CSMD2: variants seen among roughly 807,000 people sequenced by gnomAD.
CSMD2 encodes CUB and Sushi multiple domains 2.
Under a neutral mutation model 398.5 loss-of-function variants are expected in CSMD2, and 130 were observed. The observed-to-expected ratio is 0.33, with a 90% CI of 0.28 to 0.38. The LOEUF is 0.38. Among genes scored for constraint, CSMD2 ranks in the 10% least tolerant of loss-of-function variants. The probability of loss-of-function intolerance (pLI) is 1.00; values close to 1 mark genes in which losing one functional copy is unlikely to be tolerated. For synonymous variants in CSMD2, 1,828 were observed against 1,908.5 expected, an observed-to-expected ratio of 0.96 and a Z score of 1.10; for missense variants, 3,829 against 4,764.9, an observed-to-expected ratio of 0.80 and a Z score of 5.78.
At chr1:33,714,810 A>AT in intron 20 of CSMD2, 35 bp from the exon 21 acceptor site, 2 of 1,606,736 alleles carry the variant, frequency 1.2e-6, no homozygotes, top group Admixed American at 1.7e-5. Flanking sequence ...GCTCAGAGAC[A>AT]TTGCGGGGAG....
At position 33,567,132 on chromosome 1, in the gene CSMD2, C is replaced by A. The variant is rs545976092; in HGVS notation, c.8380+461G>T. Among the ~76,000 whole-genome samples, 4 of 151,284 alleles carry A rather than the reference C, an allele frequency of 2.6e-5. No individual in the cohort carries two copies. The South Asian group carries it at 8.5e-4, about 32-fold the overall frequency. On this transcript the variant is annotated intron_variant, in intron 53 of 70. Transcript: ENST00000373381. Reference sequence around the variant, plus strand: ...AAGGGCCTTCCACCTAGAAACAAATCCTTCTATTAAAAATTTTCTATGTAA... The same window carrying A: ...AAGGGCCTTCCACCTAGAAACAAATACTTCTATTAAAAATTTTCTATGTAA...
chr1:33,633,485 C>T lies in CSMD2; in HGVS notation c.5137G>A (p.Glu1713Lys). ...TGCTGGCTGTGGCCGTCGTGAACCT[C>T]CACCACGTCGTTGAGGGCCGTGTGA... is the stretch of plus-strand genomic sequence containing the variant. ...FFHTALNDVV[E>K]VHDGHSQHSR... Residue 1713 changes from glutamate (E) to lysine (K), a missense_variant, in exon 32 of 71, where the codon GAG (glutamate) becomes AAG (lysine). This residue lies in a region of CSMD2 where 2,001 missense variants were observed against 2,567.1 expected (regional missense o/e 0.78). Coordinates refer to ENST00000373381, the MANE Select transcript of CSMD2 (RefSeq NM_001281956.2). This position sits in a 1 kb window ranked among gnomAD's most constrained non-coding sequence, Gnocchi z 5.0. 1 of 1,554,398 alleles carries T rather than the reference C, an allele frequency of 6.4e-7. No homozygotes were observed. Among genetic ancestry groups the T allele is most frequent in the Non-Finnish European group, 8.7e-7 (1 of 1,148,422 alleles).
chr1:33,942,665 G>T (rs962831294), intron 3 of CSMD2, among the ~76,000 whole-genome samples: 1 of 152,218 alleles, frequency 6.6e-6, no homozygotes, highest in African/African-American at 2.4e-5. Flanking sequence ...GAATCATAAC[G>T]TGAGAAACAG....
chr1:33,808,657 A>C (rs1656506284), intron 10 of CSMD2, among the ~76,000 whole-genome samples: 1 of 152,024 alleles, frequency 6.6e-6, no homozygotes, highest in Non-Finnish European at 1.5e-5. Flanking sequence ...ATAATGAACA[A>C]AGCATCAAAA....
intron 2 of CSMD2, among the ~76,000 whole-genome samples, chr1:34,060,568 A>G (rs1654372289): frequency 6.6e-6 from 1 of 151,572 alleles, no homozygotes; most frequent in Non-Finnish European, 1.5e-5. Flanking sequence ...GCATCCTGGA[A>G]TTCCTTCTCA....
chr1:33,563,589 A>G (rs1658777838), intron 53 of CSMD2, among the ~76,000 whole-genome samples: 1 of 152,150 alleles, frequency 6.6e-6, no homozygotes, highest in African/African-American at 2.4e-5. Flanking sequence ...GGTAGGCACC[A>G]CCACTATACC....
intron 3 of CSMD2, among the ~76,000 whole-genome samples, chr1:33,975,769 G>GCT (rs1459097542): frequency 6.6e-6 from 1 of 152,166 alleles, no homozygotes; most frequent in African/African-American, 2.4e-5. Flanking sequence ...CTGTGCGGAT[G>GCT]CTCTCTGTGT....
intron 2 of CSMD2, among the ~76,000 whole-genome samples, chr1:34,034,309 AT>A (rs544669836): frequency 9.0e-4 from 137 of 152,152 alleles, no homozygotes; most frequent in African/African-American, 3.2e-3. Flanking sequence ...ACTAGCCCTC[AT>A]TTTTATGGAC....
chr1:33,711,031 C>G (rs996551502), intron 21 of CSMD2, among the ~76,000 whole-genome samples: 3 of 152,170 alleles, frequency 2.0e-5, no homozygotes, highest in Admixed American at 6.5e-5. Flanking sequence ...TGCAAAACTT[C>G]CAAATATCAT....
chr1:33,804,965 G>C (rs11587828), intron 10 of CSMD2: 1 of 706,258 alleles, frequency 1.4e-6, no homozygotes, highest in Non-Finnish European at 2.6e-6. Flanking sequence ...GCCCACCAAG[G>C]CCCCACAGAG....
chr1:34,104,088 C>T (rs1307227722), intron 1 of CSMD2, among the ~76,000 whole-genome samples: 1 of 152,178 alleles, frequency 6.6e-6, no homozygotes, highest in African/African-American at 2.4e-5. Context: ...ACCACCTAAT[C>T]TTTCAGTAAA....
chr1:33,795,207 T>C (rs767810061), intron 10 of CSMD2, among the ~76,000 whole-genome samples: 4 of 151,998 alleles, frequency 2.6e-5, no homozygotes, highest in Non-Finnish European at 4.4e-5. Context: ...TGAGGCGGGG[T>C]GTGAGCCTGT....
In CSMD2 at chr1:33,624,957, T is replaced by C. The variant is rs1642012155; in HGVS notation, c.5500+94A>G. On this transcript the variant is annotated intron_variant, in intron 34 of 70. Coordinates refer to ENST00000373381, the MANE Select transcript of CSMD2 (RefSeq NM_001281956.2). This position sits in a 1 kb window ranked among gnomAD's most constrained non-coding sequence, Gnocchi z 4.7. ...TGCGGTGGGAAGCGGCTGCTGTGTG[T>C]CGTGGGGCATCACTGGGGCTGACTG... 7.8e-7 allele frequency: 1 copy of C among 1,279,280 alleles called. No homozygotes were observed. The highest frequency in any genetic ancestry group is 1.1e-6 in the Non-Finnish European group (1 of 889,502). The allele number at this position is 1,279,280 out of a possible 1,614,324, so 79.2% of individuals were successfully genotyped here.
intron 26 of CSMD2, among the ~76,000 whole-genome samples, chr1:33,661,212 C>G (rs939378500): frequency 6.6e-6 from 1 of 152,118 alleles, no homozygotes; most frequent in South Asian, 2.1e-4. Flanking sequence ...TCTTTTAAGC[C>G]GCACCCATCA....
rs755881541 is a variant in CSMD2, at chr1:33,614,535, G to A, written c.6102C>T (p.Cys2034=). Residue 2034 remains cysteine (C), a synonymous_variant, in exon 40 of 71, where the codon TGC becomes TGT. Coordinates refer to ENST00000373381, the MANE Select transcript of CSMD2 (RefSeq NM_001281956.2). The part of the protein sequence containing the change: ...FPGNYPSNMD[C]SWKIALPVGF... The stretch of plus-strand genomic sequence containing the variant: ...CCACGGGCAGTGCTATTTTCCAGGA[G>A]CAGTCCATGTTACTGGGGTAGTTGC... 17 of 1,609,770 alleles carry A rather than the reference G, an allele frequency of 1.1e-5. No homozygotes were observed. Among genetic ancestry groups the A allele is most frequent in the Non-Finnish European group, 1.1e-5 (13 of 1,176,568 alleles).
rs1419852551 is a variant in CSMD2, at chr1:33,743,688, T to A, written c.1847-82A>T. 8 of 1,016,566 alleles carry A rather than the reference T, an allele frequency of 7.9e-6. No homozygotes were observed. The Admixed American group carries it at 8.0e-5, about 10-fold the overall frequency. The allele number at this position is 1,016,566 out of a possible 1,614,324, so 63.0% of individuals were successfully genotyped here. On this transcript the variant is annotated intron_variant, in intron 13 of 70. Coordinates refer to ENST00000373381, the MANE Select transcript of CSMD2 (RefSeq NM_001281956.2). ...CTGAGGGCTGGCAGGGGGAACATCTTCTTAGTCTAAAAAGCAACAGAAAGA... is the reference window on the plus strand; with the variant it reads ...CTGAGGGCTGGCAGGGGGAACATCTACTTAGTCTAAAAAGCAACAGAAAGA...
chr1:33,829,026 T>A (rs761637360), intron 6 of CSMD2, among the ~76,000 whole-genome samples: 1 of 152,218 alleles, frequency 6.6e-6, no homozygotes, highest in Non-Finnish European at 1.5e-5. Flanking sequence ...ATTACCGCTT[T>A]GAGCTAGGTC....
chr1:33,961,889 C>T (rs544531606), intron 3 of CSMD2, among the ~76,000 whole-genome samples: 12 of 152,306 alleles, frequency 7.9e-5, no homozygotes, highest in Admixed American at 2.0e-4. Context: ...ATCAAATCAA[C>T]CTCTTTTCCT....
chr1:33,797,166 T>C (rs1655052574), intron 10 of CSMD2, among the ~76,000 whole-genome samples: 1 of 152,192 alleles, frequency 6.6e-6, no homozygotes. Flanking sequence ...TTTTTGCCCT[T>C]TGAAGCATGT....
Sources: allele counts gnomAD v4.1 joint callset (sites outside exome capture counted in the v4.1 genomes callset), GRCh38; gene constraint gnomAD v4.1.1; regional missense constraint gnomAD v4.1.1; non-coding constraint Gnocchi (gnomAD v3.1); transcripts MANE v1.5; gene names NCBI Gene and HGNC (gene_info 2026-07-23, HGNC 2026-07-21).